LRP1B: variants seen among roughly 807,000 people sequenced by gnomAD.
LRP1B encodes the protein LDL receptor related protein 1B.
Under a neutral mutation model 556.6 loss-of-function variants are expected in LRP1B, and 217 were observed. The observed-to-expected ratio is 0.39, with a 90% CI of 0.35 to 0.44. LRP1B has a LOEUF of 0.44. LRP1B is among the 20% of genes least tolerant of loss of function. LRP1B has a pLI of 1.00. For missense variants in LRP1B, 5,053 were observed against 5,620.8 expected, an observed-to-expected ratio of 0.90 and a Z score of 3.23; for synonymous variants, 2,047 against 1,865.8, an observed-to-expected ratio of 1.10 and a Z score of -2.50.
intron 41 of LRP1B, among the ~76,000 whole-genome samples, chr2:140,635,226 TA>T (rs1684030334): frequency 6.6e-6 from 1 of 152,088 alleles, no homozygotes; most frequent in Admixed American, 6.5e-5. Context: ...GTAGAAAATA[TA>T]CCACATAGAG....
At chr2:140,605,116 T>C (rs1682821719) in intron 41 of LRP1B, among the ~76,000 whole-genome samples, 1 of 152,170 alleles carries the variant, frequency 6.6e-6, no homozygotes, top group South Asian at 2.1e-4. Context: ...TAAAGCATCA[T>C]AATGAAGTCC....
At chr2:141,753,263 C>CATATATATATAT (rs144027196) in intron 2 of LRP1B, among the ~76,000 whole-genome samples, 1,749 of 62,468 alleles carry the variant, frequency 0.028, 278 homozygotes, top group African/African-American at 0.089. Flanking sequence ...TCTCTCTCTC[C>CATATATATATAT]ATATATATAT....
At chr2:141,590,119 T>C (rs1310430772) in intron 2 of LRP1B, among the ~76,000 whole-genome samples, 1 of 152,166 alleles carries the variant, frequency 6.6e-6, no homozygotes, top group African/African-American at 2.4e-5. Flanking sequence ...TTATTTTTAC[T>C]TGATTCTACC....
intron 35 of LRP1B, among the ~76,000 whole-genome samples, chr2:140,726,512 T>G (rs1164911243): frequency 6.6e-6 from 1 of 152,156 alleles, no homozygotes; most frequent in Admixed American, 6.5e-5. Flanking sequence ...CCTGTTTGCA[T>G]GGCAATTGAA....
chr2:140,776,485 T>C (rs199943370), intron 32 of LRP1B, among the ~76,000 whole-genome samples: 1 of 60,946 alleles, frequency 1.6e-5, no homozygotes, highest in African/African-American at 3.7e-5. Flanking sequence ...TAGAAAAGAA[T>C]ATATAATATT....
intron 2 of LRP1B, among the ~76,000 whole-genome samples, chr2:141,549,829 T>G (rs1240337233): frequency 6.6e-6 from 1 of 152,082 alleles, no homozygotes; most frequent in African/African-American, 2.4e-5. Context: ...ACCCCATCTC[T>G]ACTAAGAATA....
At chr2:141,793,787 A>C (rs137997059) in intron 2 of LRP1B, among the ~76,000 whole-genome samples, 155 of 152,028 alleles carry the variant, frequency 1.0e-3, no homozygotes, top group African/African-American at 3.5e-3. Context: ...ATTAAGTTAG[A>C]ATCTGAGGCA....
At chr2:141,054,485 C>A (rs575089793) in intron 10 of LRP1B, among the ~76,000 whole-genome samples, 2 of 151,990 alleles carry the variant, frequency 1.3e-5, no homozygotes, top group African/African-American at 2.4e-5. Flanking sequence ...TTTTAAAATC[C>A]TTTTTACCAT....
At chr2:140,703,216 G>A (rs941899207) in intron 37 of LRP1B, among the ~76,000 whole-genome samples, 9 of 151,952 alleles carry the variant, frequency 5.9e-5, no homozygotes, top group Admixed American at 2.0e-4. Context: ...CTTAAAATAC[G>A]GTTTTATGCA....
chr2:140,357,931 GT>G (rs765158511), intron 74 of LRP1B, 47 bp downstream of exon 74: 3 of 1,578,064 alleles, frequency 1.9e-6, no homozygotes, highest in Non-Finnish European at 2.6e-6. Flanking sequence ...ACAAGCAGAA[GT>G]TAGACTTGTG....
intron 27 of LRP1B, among the ~76,000 whole-genome samples, chr2:140,854,222 C>G (rs1692547405): frequency 1.3e-5 from 2 of 152,032 alleles, no homozygotes; most frequent in Admixed American, 6.5e-5. Flanking sequence ...ATGGTAGGTA[C>G]TTGAATTTCA....
chr2:140,753,483 T>C (rs927760311), intron 35 of LRP1B, among the ~76,000 whole-genome samples: 9 of 152,194 alleles, frequency 5.9e-5, no homozygotes, highest in Admixed American at 5.2e-4. Flanking sequence ...TAATAGGAAA[T>C]GTCAAGGAGT....
chr2:141,245,875 C>G (rs1684047207), intron 5 of LRP1B, among the ~76,000 whole-genome samples: 1 of 151,980 alleles, frequency 6.6e-6, no homozygotes, highest in Admixed American at 6.6e-5. Context: ...TCTCTCTTTC[C>G]TTTTCCTTTT....
intron 85 of LRP1B, among the ~76,000 whole-genome samples, chr2:140,273,075 C>T (rs1200254953): frequency 6.6e-6 from 1 of 151,872 alleles, no homozygotes; most frequent in East Asian, 2.0e-4. Context: ...TCTGCATCTC[C>T]ACATGAGCTT....
intron 56 of LRP1B, 36 bp downstream of exon 56, chr2:140,495,529 C>T (rs2104872375): frequency 6.5e-7 from 1 of 1,542,944 alleles, no homozygotes; most frequent in East Asian, 2.3e-5. Context: ...ATATGTATAA[C>T]TGAGGTTGGA....
chr2:141,942,698 C>A (rs1163865876), intron 1 of LRP1B, among the ~76,000 whole-genome samples: 1 of 152,154 alleles, frequency 6.6e-6, no homozygotes, highest in Non-Finnish European at 1.5e-5. Flanking sequence ...TTTTGTGCAG[C>A]AGTTTCCAAA....
In LRP1B at chr2:141,397,750, A is replaced by T. The variant is rs146957434; in HGVS notation, c.343+82646T>A. 3.8e-3 allele frequency among the ~76,000 whole-genome samples: 570 copies of T among 151,570 alleles called. 3 individuals are homozygous for T. The highest frequency in any genetic ancestry group is 0.013 in the African/African-American group (543 of 41,428). Reference sequence around the variant, plus strand: ...CATTTATGTCTCTAAAGTCCCAGACATTGTGCTGAAGGCTGGTGGTAAAAA... The same window carrying T: ...CATTTATGTCTCTAAAGTCCCAGACTTTGTGCTGAAGGCTGGTGGTAAAAA... On this transcript the variant is annotated intron_variant, in intron 3 of 90. Transcript: ENST00000389484.
intron 1 of LRP1B, among the ~76,000 whole-genome samples, chr2:141,855,822 A>T (rs1417184227): frequency 2.6e-5 from 4 of 152,180 alleles, no homozygotes; most frequent in African/African-American, 9.7e-5. Flanking sequence ...GGAATAAAAC[A>T]ACTATTTCAT....
At chr2:140,719,099 G>A (rs753404237) in intron 35 of LRP1B, among the ~76,000 whole-genome samples, 134 of 151,968 alleles carry the variant, frequency 8.8e-4, no homozygotes, top group Non-Finnish European at 1.5e-3. Context: ...TTCTTTGAGG[G>A]CTGGGACTTT....
Sources: gnomAD v4.1 joint callset for allele counts (sites outside exome capture counted in the v4.1 genomes callset) on GRCh38, gnomAD v4.1.1 for gene constraint, MANE v1.5 for transcripts, NCBI Gene and HGNC (gene_info 2026-07-23, HGNC 2026-07-21) for gene names.